Variants in WDPCP observed in about 807,000 individuals in gnomAD.
WDPCP encodes WD repeat containing planar cell polarity effector, also known as WD repeat-containing and planar cell polarity effector protein fritz homolog.
In WDPCP, 71 loss-of-function variants were observed where a neutral mutation model predicts 93.1. That is an observed-to-expected ratio of 0.76 (90% confidence interval 0.63 to 0.93). The LOEUF (loss-of-function observed/expected upper bound fraction) is 0.93. Among genes scored for constraint, WDPCP ranks in the 40% least tolerant of loss-of-function variants. WDPCP has a pLI of 0.00. For synonymous variants in WDPCP, 315 were observed against 315.0 expected (o/e 1.00, Z 0.00); for missense variants, 844 against 887.4 (o/e 0.95, Z 0.62).
intron 13 of WDPCP, among the ~76,000 whole-genome samples, chr2:63,300,926 G>T (rs1045406934): frequency 1.3e-5 from 2 of 151,966 alleles, no homozygotes; most frequent in African/African-American, 4.8e-5. Flanking sequence ...TCTGCCTTTG[G>T]TCTGGAGAGC....
At chr2:63,466,180 T>C (rs1444352811) in intron 6 of WDPCP, among the ~76,000 whole-genome samples, 1 of 152,194 alleles carries the variant, frequency 6.6e-6, no homozygotes, top group Non-Finnish European at 1.5e-5. Context: ...CAGGTACTTC[T>C]TCACTGTGGA....
chr2:63,643,559 C>A, intron 3 of WDPCP: 2 of 429,858 alleles, frequency 4.7e-6, no homozygotes, highest in Non-Finnish European at 9.1e-6. Flanking sequence ...AGTCTCCAAA[C>A]CAATCTGAAT....
At chr2:63,810,574 G>A (rs1189804955) in intron 2 of WDPCP, among the ~76,000 whole-genome samples, 3 of 152,170 alleles carry the variant, frequency 2.0e-5, no homozygotes, top group African/African-American at 7.2e-5. Context: ...CAGGAAGCAA[G>A]CTATAAAAGA....
intron 9 of WDPCP, among the ~76,000 whole-genome samples, chr2:63,405,359 G>A (rs1334751431): frequency 3.3e-5 from 5 of 152,132 alleles, no homozygotes; most frequent in African/African-American, 1.2e-4. Flanking sequence ...TATATAGTCG[G>A]TCCTTGAACA....
At chr2:63,128,683 T>C (rs1395764163) in intron 17 of WDPCP, among the ~76,000 whole-genome samples, 3 of 152,212 alleles carry the variant, frequency 2.0e-5, no homozygotes, top group Admixed American at 6.5e-5. Flanking sequence ...GTTCTACTTA[T>C]TTGAGATGGA....
At chr2:63,782,739 CATGT>C (rs1484862379) in intron 2 of WDPCP, among the ~76,000 whole-genome samples, 11 of 103,562 alleles carry the variant, frequency 1.1e-4, no homozygotes, top group Middle Eastern at 4.8e-3. Flanking sequence ...CCACAGGCAA[CATGT>C]GTGTGTGTGT....
chr2:63,469,079 G>A (rs554802372), intron 6 of WDPCP, among the ~76,000 whole-genome samples: 4 of 151,194 alleles, frequency 2.6e-5, no homozygotes, highest in South Asian at 2.1e-4. Context: ...ACATGCAGCC[G>A]ACAACTCTAT....
At chr2:63,720,791 T>C (rs1023662430) in intron 2 of WDPCP, among the ~76,000 whole-genome samples, 1 of 152,120 alleles carries the variant, frequency 6.6e-6, no homozygotes, top group African/African-American at 2.4e-5. Flanking sequence ...ACAGAAACAA[T>C]ACAGAGGAAA....
chr2:63,820,877 T>A (rs1190369428), intron 1 of WDPCP, among the ~76,000 whole-genome samples: 2 of 152,074 alleles, frequency 1.3e-5, no homozygotes, highest in Non-Finnish European at 2.9e-5. Flanking sequence ...CCCATATAAA[T>A]TTAACTTAAA....
At chr2:63,720,510 T>G (rs1669400704) in intron 2 of WDPCP, among the ~76,000 whole-genome samples, 2 of 152,072 alleles carry the variant, frequency 1.3e-5, no homozygotes, top group South Asian at 4.1e-4. Flanking sequence ...CCTTAGCTAG[T>G]TTTGTAGCAT....
intron 17 of WDPCP, among the ~76,000 whole-genome samples, chr2:63,134,033 T>C (rs912317677): frequency 6.6e-6 from 1 of 152,228 alleles, no homozygotes; most frequent in African/African-American, 2.4e-5. Flanking sequence ...TGAAGCTTCT[T>C]AGTCACATTT....
intron 8 of WDPCP, among the ~76,000 whole-genome samples, chr2:63,435,943 C>T (rs761714895): frequency 3.9e-5 from 6 of 152,042 alleles, no homozygotes; most frequent in Non-Finnish European, 5.9e-5. Flanking sequence ...AGGACCCAAA[C>T]GCTAGATGTC....
intron 1 of WDPCP, among the ~76,000 whole-genome samples, chr2:63,584,835 G>A (rs911568173): frequency 5.9e-5 from 9 of 151,956 alleles, no homozygotes; most frequent in African/African-American, 2.2e-4. Context: ...AATAAATTCT[G>A]CTCCTTTCAC....
intron 13 of WDPCP, among the ~76,000 whole-genome samples, chr2:63,292,920 C>G (rs921012188): frequency 6.6e-6 from 1 of 152,198 alleles, no homozygotes; most frequent in African/African-American, 2.4e-5. Flanking sequence ...TGTTACACAT[C>G]CACCACCCCA....
intron 12 of WDPCP, among the ~76,000 whole-genome samples, chr2:63,331,783 A>C (rs985007772): frequency 1.5e-4 from 23 of 152,152 alleles, no homozygotes; most frequent in Admixed American, 1.4e-3. Flanking sequence ...CAAACAGAAT[A>C]TAGTCTAAAA....
chr2:63,145,399 G>A (rs532771005), intron 17 of WDPCP, among the ~76,000 whole-genome samples: 2 of 152,238 alleles, frequency 1.3e-5, no homozygotes, highest in East Asian at 3.9e-4. Context: ...AGGCATGTCT[G>A]AGCTCAGACT....
chr2:63,790,103 GCTGGGT>G (rs1013399673), intron 2 of WDPCP, among the ~76,000 whole-genome samples: 3 of 152,156 alleles, frequency 2.0e-5, no homozygotes, highest in African/African-American at 7.2e-5. Flanking sequence ...TAGATATGGG[GCTGGGT>G]TAACTGCTTC....
intron 1 of WDPCP, among the ~76,000 whole-genome samples, chr2:63,575,421 G>GTATATACAGTA (rs768124525): frequency 7.4e-5 from 4 of 53,740 alleles, no homozygotes; most frequent in African/African-American, 1.4e-4. Flanking sequence ...TATATACACT[G>GTATATACAGTA]TATACAGTGT....
At chr2:63,654,004 T>G (rs2106634758) in intron 2 of WDPCP, among the ~76,000 whole-genome samples, 1 of 149,736 alleles carries the variant, frequency 6.7e-6, no homozygotes, top group Middle Eastern at 3.5e-3. Flanking sequence ...GACCCAGAAA[T>G]GACAGATGAT....
Sources: allele counts gnomAD v4.1 joint callset (sites outside exome capture counted in the v4.1 genomes callset), GRCh38; gene constraint gnomAD v4.1.1; transcripts MANE v1.5; gene names NCBI Gene and HGNC (gene_info 2026-07-23, HGNC 2026-07-21).